Variants in SERPINB7 observed in about 807,000 individuals in gnomAD.
The protein encoded by SERPINB7 is serpin B7.
In SERPINB7, 31 loss-of-function variants were observed where a neutral mutation model predicts 37.4. The ratio of observed to expected loss-of-function variants is 0.83; its 90% CI spans 0.62 to 1.12. SERPINB7 has a LOEUF of 1.12. Ranked by LOEUF, SERPINB7 falls within the 50% of genes most tolerant of loss-of-function variation. The pLI, the probability that SERPINB7 is intolerant of heterozygous loss-of-function variation, is 0.00. For missense variants in SERPINB7, 521 were observed against 455.3 expected, an observed-to-expected ratio of 1.14 and a Z score of -1.31; for synonymous variants, 163 against 166.1, an observed-to-expected ratio of 0.98 and a Z score of 0.14.
At chr18:63,765,653 T>C (rs1241668426) in intron 1 of SERPINB7, among the ~76,000 whole-genome samples, 1 of 152,130 alleles carries the variant, frequency 6.6e-6, no homozygotes, top group African/African-American at 2.4e-5. Flanking sequence ...TCTAGAATGC[T>C]CTCTCCCTTC....
At chr18:63,794,402 A>G (rs1413977291) in intron 4 of SERPINB7, among the ~76,000 whole-genome samples, 1 of 152,052 alleles carries the variant, frequency 6.6e-6, no homozygotes, top group Admixed American at 6.6e-5. Context: ...TGGACTACTT[A>G]AAACTACTCT....
At chr18:63,787,691 A>G (rs1352059035) in intron 2 of SERPINB7, among the ~76,000 whole-genome samples, 1 of 152,186 alleles carries the variant, frequency 6.6e-6, no homozygotes, top group Non-Finnish European at 1.5e-5. Flanking sequence ...ACCAAAAAAG[A>G]ATTGCAGGGA....
At chr18:63,787,629 C>A (rs1479311707) in intron 2 of SERPINB7, among the ~76,000 whole-genome samples, 1 of 152,016 alleles carries the variant, frequency 6.6e-6, no homozygotes, top group Non-Finnish European at 1.5e-5. Flanking sequence ...CTAAATAATT[C>A]TTTCCAATGG....
At position 63,786,041 on chromosome 18, in the gene SERPINB7, T is replaced by TATATAATATACGTATATATACACAC. The variant is rs1568209301; in HGVS notation, c.168+3506_168+3507insATATACGTATATATACACACATATA. On this transcript the variant is annotated intron_variant, in intron 2 of 7. Coordinates refer to ENST00000398019, the MANE Select transcript of SERPINB7 (RefSeq NM_003784.4). ...TATATAATATACGTATATATACACA[T>TATATAATATACGTATATATACACAC]ATATATAATATATGTATATATAATA... 1.2e-3 allele frequency among the ~76,000 whole-genome samples: 100 copies of TATATAATATACGTATATATACACAC among 83,826 alleles called. 21 individuals carry two copies. The highest frequency in any genetic ancestry group is 8.7e-3 in the East Asian group (12 of 1,382). 55.0% of individuals were successfully genotyped at this position (83,826 alleles called of 152,430 possible). A position where few individuals can be genotyped will look rare whatever the true frequency, so the allele number is the denominator to read the frequency against.
At chr18:63,759,126 T>G (rs1436854201) in intron 1 of SERPINB7, among the ~76,000 whole-genome samples, 4 of 152,228 alleles carry the variant, frequency 2.6e-5, no homozygotes, top group African/African-American at 9.7e-5. Context: ...CCTATTCTAT[T>G]CTACTCTTCT....
intron 1 of SERPINB7, among the ~76,000 whole-genome samples, chr18:63,754,213 GA>G (rs1057316254): frequency 1.3e-5 from 2 of 152,146 alleles, no homozygotes; most frequent in African/African-American, 4.8e-5. Flanking sequence ...ATTTTTTAAA[GA>G]GTTATGAAGT....
chr18:63,782,994 C>T (rs2049316872), intron 2 of SERPINB7, among the ~76,000 whole-genome samples: 3 of 151,318 alleles, frequency 2.0e-5, no homozygotes, highest in South Asian at 4.2e-4. Context: ...AAAAATTAGC[C>T]GGGCATGGTG....
At chr18:63,782,692 A>G (rs891691541) in intron 2 of SERPINB7, 152 bp downstream of exon 2, 5 of 696,788 alleles carry the variant, frequency 7.2e-6, no homozygotes, top group Admixed American at 5.9e-5. Flanking sequence ...TTGGGTGTGA[A>G]GAAAGCACAC....
At chr18:63,768,562 T>C (rs540976677) in intron 1 of SERPINB7, among the ~76,000 whole-genome samples, 12 of 152,290 alleles carry the variant, frequency 7.9e-5, no homozygotes, top group African/African-American at 2.4e-4. Flanking sequence ...GTTTGTTTCA[T>C]ACATTTGTGA....
rs531326358 is a variant in SERPINB7, at chr18:63,761,863, G to T, written c.-19+8743G>T. 8.5e-5 allele frequency among the ~76,000 whole-genome samples: 13 copies of T among 152,160 alleles called. No homozygotes were observed. In the South Asian group the frequency reaches 2.5e-3, roughly 29 times the overall value. On this transcript the variant is annotated intron_variant, in intron 1 of 7. Coordinates refer to the SERPINB7 transcript ENST00000336429. The stretch of plus-strand genomic sequence containing the variant: ...TTTTTTCTTTTTCTTCCCAATCTCA[G>T]GTATGTCTTTATCAGCCGTGCAAAA...
At position 63,804,713 on chromosome 18, in the gene SERPINB7, G is replaced by A; in HGVS notation, c.*78G>A. ...CAAGTCAATAGATTTGAGTTTAATT[G>A]GAAAAATGTGGTGTTTCCTTTGAGT... On this transcript the variant is annotated 3_prime_UTR_variant, in exon 8 of 8. Coordinates refer to ENST00000398019, the MANE Select transcript of SERPINB7 (RefSeq NM_003784.4). 7.2e-7 allele frequency: 1 copy of A among 1,387,982 alleles called. No homozygotes were observed. Among genetic ancestry groups the A allele is most frequent in the Non-Finnish European group, 9.8e-7 (1 of 1,025,640 alleles). 86.0% of individuals were successfully genotyped at this position (1,387,982 alleles called of 1,614,324 possible).
intron 4 of SERPINB7, among the ~76,000 whole-genome samples, chr18:63,794,506 C>G (rs965299234): frequency 1.3e-5 from 2 of 151,810 alleles, no homozygotes; most frequent in African/African-American, 4.8e-5. Flanking sequence ...CTGGCTAACA[C>G]GGTGAAACCC....
intron 1 of SERPINB7, among the ~76,000 whole-genome samples, chr18:63,757,279 T>C (rs1451033709): frequency 1.3e-5 from 2 of 152,184 alleles, no homozygotes; most frequent in African/African-American, 4.8e-5. Flanking sequence ...CTCTCATCCA[T>C]TATAACATGT....
intron 1 of SERPINB7, among the ~76,000 whole-genome samples, chr18:63,761,345 G>T (rs191816069): frequency 3.5e-4 from 53 of 152,294 alleles, no homozygotes; most frequent in Admixed American, 1.5e-3. Flanking sequence ...TGCCACCATT[G>T]TATCTAGGAA....
chr18:63,785,796 A>G (rs1204776606), intron 2 of SERPINB7, among the ~76,000 whole-genome samples: 2 of 150,544 alleles, frequency 1.3e-5, no homozygotes, highest in African/African-American at 4.9e-5. Context: ...ATAGTGTTTG[A>G]ATATAAAAGT....
At chr18:63,756,170 G>A (rs2049121141) in intron 1 of SERPINB7, among the ~76,000 whole-genome samples, 1 of 151,934 alleles carries the variant, frequency 6.6e-6, no homozygotes, top group Non-Finnish European at 1.5e-5. Flanking sequence ...AGGTTTAAAA[G>A]TAGGTGCTTT....
At chr18:63,785,714 TTTG>T (rs1407865590) in intron 2 of SERPINB7, among the ~76,000 whole-genome samples, 1 of 151,500 alleles carries the variant, frequency 6.6e-6, no homozygotes, top group Non-Finnish European at 1.5e-5. Context: ...ATGGTTTCTT[TTTG>T]TTGTTGTGTT....
At chr18:63,785,894 ATAATATACGT>A (rs2049360096) in intron 2 of SERPINB7, among the ~76,000 whole-genome samples, 1 of 137,334 alleles carries the variant, frequency 7.3e-6, no homozygotes, top group Non-Finnish European at 1.5e-5. Context: ...ATATATATAT[ATAATATACGT>A]ATATATACAC....
upstream of SERPINB7, among the ~76,000 whole-genome samples, chr18:63,773,829 A>T (rs188455716): frequency 6.6e-6 from 1 of 152,276 alleles, no homozygotes; most frequent in East Asian, 1.9e-4. Flanking sequence ...CAGTAGTGGG[A>T]GGGATGTCTG....
Sources: allele counts gnomAD v4.1 joint callset (sites outside exome capture counted in the v4.1 genomes callset), GRCh38; gene constraint gnomAD v4.1.1; transcripts MANE v1.5; gene names NCBI Gene and HGNC (gene_info 2026-07-23, HGNC 2026-07-21).